NPM2: variants seen among roughly 807,000 people sequenced by gnomAD.
The protein encoded by NPM2 is nucleophosmin/nucleoplasmin 2.
In NPM2, 25 loss-of-function variants were observed where a neutral mutation model predicts 32.0. The observed-to-expected ratio is 0.78, with a 90% CI of 0.57 to 1.09. The LOEUF (loss-of-function observed/expected upper bound fraction) is 1.09, where lower values mean the gene tolerates loss of function less well. Ranked by LOEUF, NPM2 falls within the 50% of genes least tolerant of loss-of-function variation. NPM2 has a pLI of 0.00. For missense variants in NPM2, 282 were observed against 259.9 expected (o/e 1.08, Z -0.58); for synonymous variants, 111 against 94.2 (o/e 1.18, Z -1.04).
At chr8:22,036,399 C>A in intron 8 of NPM2, 94 bp from the exon 9 acceptor site, 1 of 1,305,298 alleles carries the variant, frequency 7.7e-7, no homozygotes, top group South Asian at 1.4e-5. Context: ...GCTTGCTTTC[C>A]AGGGTGGGCA....
At chr8:22,034,061 C>T (rs774768342) in intron 6 of NPM2, 48 bp from the exon 7 acceptor site, 2 of 1,544,488 alleles carry the variant, frequency 1.3e-6, no homozygotes, top group Non-Finnish European at 1.7e-6. Flanking sequence ...GGCATTGATT[C>T]TGTAGCTCTG....
chr8:22,032,381 G>T (rs1563355340), intron 5 of NPM2, among the ~76,000 whole-genome samples: 1 of 152,206 alleles, frequency 6.6e-6, no homozygotes, highest in East Asian at 1.9e-4. Context: ...GTGATGATTG[G>T]GGTTTCACGC....
chr8:22,036,554 T>G (rs984955238), intron 9 of NPM2, 28 bp downstream of exon 9: 2 of 1,585,426 alleles, frequency 1.3e-6, no homozygotes, highest in Admixed American at 1.8e-5. Flanking sequence ...GCTTTGGCCC[T>G]TGGGACAGGC....
intron 8 of NPM2, among the ~76,000 whole-genome samples, chr8:22,034,752 C>T (rs748468): frequency 0.33 from 50,589 of 152,090 alleles, 10,268 homozygotes; most frequent in African/African-American, 0.57. Flanking sequence ...GATCTAATTC[C>T]AGTGAAGGCA....
At position 22,025,744 on chromosome 8, in the gene NPM2, C is replaced by T. The variant is rs1393339108; in HGVS notation, c.242C>T (p.Ala81Val). 2 of 1,614,014 alleles carry T rather than the reference C, an allele frequency of 1.2e-6. No individual in the cohort carries two copies. The highest frequency in any genetic ancestry group is 1.3e-5 in the African/African-American group (1 of 74,896). Residue 81 changes from alanine to valine, a missense_variant, in exon 5 of 10, where the codon GCC becomes GTC. Physicochemically the swap from Ala to Val is moderately conservative, Grantham distance 64. Transcript: ENST00000518119. Reference protein sequence around the residue: ...EDKKMQPVTIASLQASVLPMV... With the variant: ...EDKKMQPVTIVSLQASVLPMV... ...AAGAAGATGCAGCCGGTCACCATTG[C>T]CTCACTCCAGGCCTCAGTCCTCCCC...
rs761060148 is a variant in NPM2, at chr8:22,034,266, C to T, written c.522C>T (p.Ser174=). The T allele has an allele frequency of 6.9e-6, 11 of 1,591,780 alleles. No homozygotes were observed. Among genetic ancestry groups the T allele is most frequent in the South Asian group, 2.3e-5 (2 of 86,314 alleles). ...VKRLVPQKQA[S]VAKKKKLEKE... ...GGCTGGTGCCCCAGAAGCAGGCGAG[C>T]GTGGCTAAGGTGGGGGAAGGAGCGT... is the stretch of plus-strand genomic sequence containing the variant. The change falls in exon 7 of 10, where the codon AGC becomes AGT. Residue 174 remains serine, a synonymous_variant. Coordinates refer to ENST00000518119, the MANE Select transcript of NPM2 (RefSeq NM_001286680.2).
chr8:22,035,676 G>A (rs1196910988), intron 8 of NPM2, among the ~76,000 whole-genome samples: 7 of 152,206 alleles, frequency 4.6e-5, no homozygotes, highest in African/African-American at 1.7e-4. Flanking sequence ...GCTCACGCCT[G>A]TAATCCCAGC....
At chr8:22,035,881 C>T (rs1476641549) in intron 8 of NPM2, among the ~76,000 whole-genome samples, 1 of 145,976 alleles carries the variant, frequency 6.9e-6, no homozygotes, top group East Asian at 2.0e-4. Context: ...TGCAGTGAAC[C>T]AAGATCACAC....
At chr8:22,028,452 G>A (rs118070947) in intron 5 of NPM2, among the ~76,000 whole-genome samples, 9,311 of 146,902 alleles carry the variant, frequency 0.063, 468 homozygotes, top group South Asian at 0.2. Flanking sequence ...CTTAGTAGCC[G>A]GGACAACAGG....
chr8:22,033,911 C>A (rs759397521), intron 6 of NPM2, among the ~76,000 whole-genome samples, 198 bp from the exon 7 acceptor site: 2 of 152,160 alleles, frequency 1.3e-5, no homozygotes, highest in African/African-American at 2.4e-5. Flanking sequence ...GACCCCCTAC[C>A]CTACCCTGGC....
chr8:22,036,504 G>C lies in NPM2; in HGVS notation c.578G>C (p.Arg193Thr). The C allele has an allele frequency of 1.2e-6, 2 of 1,604,802 alleles. No homozygotes were observed. Among genetic ancestry groups the C allele is most frequent in the Non-Finnish European group, 8.5e-7 (1 of 1,175,844 alleles). The change falls in exon 9 of 10, where the codon AGA becomes ACA. Residue 193 changes from arginine (R) to threonine (T), a missense_variant. Physicochemically the swap from Arg to Thr is moderately conservative, Grantham distance 71. Transcript: ENST00000518119. Reference sequence around the variant, plus strand: ...CCACCCTGTTGCAGAGCCAGCGTTAGAGACAAGAGCCCTGTGAAAAAGGTG... The same window carrying C: ...CCACCCTGTTGCAGAGCCAGCGTTACAGACAAGAGCCCTGTGAAAAAGGTG... ...KEEEEIRASV[R>T]DKSPVKKAKA...
intron 6 of NPM2, 130 bp from the exon 7 acceptor site, chr8:22,033,979 C>T: frequency 3.6e-6 from 5 of 1,399,966 alleles, no homozygotes; most frequent in Non-Finnish European, 4.8e-6. Flanking sequence ...AGGCAGGTAA[C>T]CACTGTCAAC....
At chr8:22,034,388 G>C (rs1386596246) in intron 7 of NPM2, 113 bp downstream of exon 7, 2 of 1,374,210 alleles carry the variant, frequency 1.5e-6, no homozygotes, top group African/African-American at 2.9e-5. Context: ...GTACAGGATG[G>C]GCCAAGGCCA....
In NPM2 at chr8:22,025,701, C is replaced by A. The variant is rs762780291; in HGVS notation, c.199C>A (p.Pro67Thr). ...EEMHRVEILPPANQEDKKMQP... is the reference protein window; with the variant it reads ...EEMHRVEILPTANQEDKKMQP... The stretch of plus-strand genomic sequence containing the variant: ...GATGCATCGCGTGGAGATCCTGCCC[C>A]CAGCAAACCAGGAGGACAAGAAGAT... Residue 67 changes from proline (P) to threonine (T), a missense_variant, in exon 5 of 10, where the codon CCA becomes ACA. Transcript: ENST00000518119. 5 of 1,614,078 alleles carry A rather than the reference C, an allele frequency of 3.1e-6. No homozygotes were observed. The South Asian group carries it at 5.5e-5, about 18-fold the overall frequency.
At position 22,036,776 on chromosome 8, in the gene NPM2, C is replaced by A; in HGVS notation, c.*94C>A. The A allele has an allele frequency of 7.8e-7, 1 of 1,282,430 alleles. No homozygotes were observed. Among genetic ancestry groups the A allele is most frequent in the Non-Finnish European group, 1.1e-6 (1 of 943,456 alleles). 79.4% of individuals were successfully genotyped at this position (1,282,430 alleles called of 1,614,324 possible). A position where few individuals can be genotyped will look rare whatever the true frequency, so the allele number is the denominator to read the frequency against. On this transcript the variant is annotated 3_prime_UTR_variant, in exon 10 of 10. Transcript: ENST00000518119. The stretch of plus-strand genomic sequence containing the variant: ...CCCTGTCCAGCCCCTCCACCTGTGT[C>A]TGAATGCAACAGGGGTGTTGCGGGG...
chr8:22,031,637 G>C (rs1367332697), intron 5 of NPM2, among the ~76,000 whole-genome samples: 3 of 152,150 alleles, frequency 2.0e-5, no homozygotes, highest in Non-Finnish European at 2.9e-5. Flanking sequence ...GTAGAAACAG[G>C]GTTTCACCAT....
chr8:22,035,810 G>C (rs1450580250), intron 8 of NPM2, among the ~76,000 whole-genome samples: 2 of 151,920 alleles, frequency 1.3e-5, no homozygotes, highest in South Asian at 4.1e-4. Flanking sequence ...GCATGTGCCT[G>C]TAATCCCAGC....
intron 5 of NPM2, among the ~76,000 whole-genome samples, chr8:22,032,750 G>T (rs1237806002): frequency 6.6e-6 from 1 of 152,042 alleles, no homozygotes; most frequent in Non-Finnish European, 1.5e-5. Flanking sequence ...TTTTGTAAAG[G>T]TACTAGTTCT....
At chr8:22,035,182 A>G (rs1800578656) in intron 8 of NPM2, among the ~76,000 whole-genome samples, 1 of 152,254 alleles carries the variant, frequency 6.6e-6, no homozygotes, top group South Asian at 2.1e-4. Flanking sequence ...GTCTACCAAT[A>G]TAACAATTCA....
Sources: allele counts gnomAD v4.1 joint callset (sites outside exome capture counted in the v4.1 genomes callset), GRCh38; gene constraint gnomAD v4.1.1; transcripts MANE v1.5; gene names NCBI Gene and HGNC (gene_info 2026-07-23, HGNC 2026-07-21).